Variants in KANSL1 observed in about 807,000 individuals in gnomAD.
KANSL1 encodes the protein MLL1/MLL complex subunit KANSL1.
A neutral mutation model predicts 103.6 loss-of-function variants in KANSL1; 22 were observed. The ratio of observed to expected loss-of-function variants is 0.21; its 90% CI spans 0.15 to 0.30. KANSL1 has a LOEUF of 0.30. Ranked by LOEUF, KANSL1 falls within the 10% of genes least tolerant of loss-of-function variation. The pLI is 1.00. For missense variants in KANSL1, 1,337 were observed against 1,399.8 expected (o/e 0.96, Z 0.72); for synonymous variants, 600 against 527.6 (o/e 1.14, Z -1.88).
At position 46,216,598 on chromosome 17, in the gene KANSL1, C is replaced by CAAA. The variant is rs72237062; in HGVS notation, c.-90+7070_-90+7072dup. Among the ~76,000 whole-genome samples the CAAA allele has an allele frequency of 6.2e-4, 52 of 83,722 alleles. 5 individuals are homozygous for CAAA. Among genetic ancestry groups the CAAA allele is most frequent in the Non-Finnish European group, 8.4e-4 (36 of 42,992 alleles). 54.9% of individuals were successfully genotyped at this position (83,722 alleles called of 152,430 possible). A position where few individuals can be genotyped will look rare whatever the true frequency, so the allele number is the denominator to read the frequency against. On this transcript the variant is annotated intron_variant, in intron 1 of 14. Transcript: ENST00000572904. Reference sequence around the variant, plus strand: ...TGGGCAAAAGAGCAAGACTCCGTCTCAAAAAAAAAAAAAAAAAAGTTTCAA... The same window carrying CAAA: ...TGGGCAAAAGAGCAAGACTCCGTCTCAAAAAAAAAAAAAAAAAAAAAGTTTCAA...
intron 2 of KANSL1, chr17:46,170,532 A>G (rs2046229980): frequency 2.7e-6 from 1 of 374,712 alleles, no homozygotes; most frequent in Non-Finnish European, 4.6e-6. Context: ...CATGTCCTAT[A>G]TATAGTTTCA....
chr17:46,144,230 T>C (rs1216944140), intron 2 of KANSL1, among the ~76,000 whole-genome samples: 1 of 152,260 alleles, frequency 6.6e-6, no homozygotes, highest in East Asian at 1.9e-4. Flanking sequence ...CAGGTGAGAC[T>C]GCACAGTTCT....
chr17:46,133,129 A>T (rs1314660248), intron 2 of KANSL1, among the ~76,000 whole-genome samples: 1 of 152,174 alleles, frequency 6.6e-6, no homozygotes, highest in Non-Finnish European at 1.5e-5. Flanking sequence ...AGAAAAACTG[A>T]GGTTCAGGTG....
intron 2 of KANSL1, among the ~76,000 whole-genome samples, chr17:46,123,867 T>C (rs1048860473): frequency 3.3e-5 from 5 of 152,252 alleles, no homozygotes; most frequent in African/African-American, 1.2e-4. Flanking sequence ...TCGATGAAGA[T>C]GGCTCCATTA....
At chr17:46,184,314 G>T (rs2046921652) in intron 1 of KANSL1, among the ~76,000 whole-genome samples, 1 of 152,162 alleles carries the variant, frequency 6.6e-6, no homozygotes, top group Non-Finnish European at 1.5e-5. Flanking sequence ...TCCATCCTTG[G>T]TGCCAATGCC....
At position 46,147,572 on chromosome 17, in the gene KANSL1, T is replaced by TAAAAA. The variant is rs10717937; in HGVS notation, c.1289+23278_1289+23282dup. On this transcript the variant is annotated intron_variant, in intron 2 of 14. Transcript: ENST00000432791. ...GCCTGGGTGACAGAGTGAGACTCTT[T>TAAAAA]AAAAAAAAAAAAAAAAAAAAAAAAG... 2.1e-4 allele frequency among the ~76,000 whole-genome samples: 22 copies of TAAAAA among 103,064 alleles called. No individual in the cohort carries two copies. The South Asian group carries it at 5.1e-3, about 24-fold the overall frequency. The allele number at this position is 103,064 out of a possible 152,430, so 67.6% of individuals were successfully genotyped here.
chr17:46,198,059 G>T (rs2047671639), upstream of KANSL1, among the ~76,000 whole-genome samples: 1 of 152,066 alleles, frequency 6.6e-6, no homozygotes, highest in African/African-American at 2.4e-5. Flanking sequence ...CCATTTTTTT[G>T]GTTACTTACC....
At chr17:46,050,413 G>A in intron 7 of KANSL1, 120 bp downstream of exon 7, 1 of 1,032,242 alleles carries the variant, frequency 9.7e-7, no homozygotes. Context: ...AGAAGACTTG[G>A]TTGACGAAAG....
chr17:46,182,745 GAAGTT>G (rs1368733595), intron 1 of KANSL1, among the ~76,000 whole-genome samples: 6 of 152,196 alleles, frequency 3.9e-5, no homozygotes, highest in African/African-American at 9.7e-5. Flanking sequence ...GATGCTCAAA[GAAGTT>G]AAGTAATTTG....
intron 2 of KANSL1, among the ~76,000 whole-genome samples, chr17:46,168,641 G>A (rs574516275): frequency 1.6e-4 from 24 of 152,308 alleles, no homozygotes; most frequent in African/African-American, 5.3e-4. Flanking sequence ...GTGAGCCACC[G>A]TGCCCGGCCC....
intron 2 of KANSL1, among the ~76,000 whole-genome samples, chr17:46,116,775 G>T (rs1196796745): frequency 1.3e-5 from 2 of 152,052 alleles, no homozygotes; most frequent in African/African-American, 4.8e-5. Context: ...TACAGCTCAA[G>T]AACTTTTCCA....
Position 46,087,690 on chromosome 17 carries a change from C to T in KANSL1, c.1432-5148G>A, listed in dbSNP as rs557655517. Among the ~76,000 whole-genome samples the T allele has an allele frequency of 5.0e-4, 76 of 152,266 alleles. 1 individual carries two copies. Among genetic ancestry groups the T allele is most frequent in the African/African-American group, 1.8e-3 (74 of 41,546 alleles). ...TTTACAGAGGAGGTCTACATAATTA[C>T]TTAACATTCCCCAAAATATATTTAA... On this transcript the variant is annotated intron_variant, in intron 3 of 14. Coordinates refer to ENST00000432791, the MANE Select transcript of KANSL1 (RefSeq NM_015443.4).
intron 6 of KANSL1, among the ~76,000 whole-genome samples, chr17:46,066,160 G>A (rs2078368837): frequency 6.6e-6 from 1 of 152,162 alleles, no homozygotes; most frequent in African/African-American, 2.4e-5. Flanking sequence ...ACATGGCCAA[G>A]ATTCTTTTTT....
At chr17:46,031,922 T>C in intron 14 of KANSL1, 125 bp downstream of exon 14, 1 of 1,364,088 alleles carries the variant, frequency 7.3e-7, no homozygotes, top group Non-Finnish European at 1.0e-6. Context: ...GAGATCAATT[T>C]AAGTGCAGCC....
chr17:46,061,336 ATTTTATTTTAAT>A (rs919952557), intron 6 of KANSL1, among the ~76,000 whole-genome samples: 3 of 152,184 alleles, frequency 2.0e-5, no homozygotes, highest in African/African-American at 7.2e-5. Flanking sequence ...GCTGGTACCA[ATTTTATTTTAAT>A]AACTTTATTG....
intron 2 of KANSL1, among the ~76,000 whole-genome samples, chr17:46,150,411 A>G (rs1373247583): frequency 1.3e-5 from 2 of 152,196 alleles, no homozygotes; most frequent in African/African-American, 2.4e-5. Flanking sequence ...TTTTCTGACA[A>G]TGATTGCTTT....
chr17:46,073,278 A>G (rs2078641861), intron 4 of KANSL1, among the ~76,000 whole-genome samples: 1 of 152,230 alleles, frequency 6.6e-6, no homozygotes, highest in African/African-American at 2.4e-5. Flanking sequence ...TGTTTTTCTC[A>G]TCACTTCTGT....
intron 1 of KANSL1, among the ~76,000 whole-genome samples, chr17:46,217,650 A>G (rs1343350409): frequency 1.3e-5 from 2 of 152,154 alleles, no homozygotes; most frequent in Non-Finnish European, 2.9e-5. Context: ...GCACTTTGGG[A>G]GGCTGAGGTG....
intron 1 of KANSL1, among the ~76,000 whole-genome samples, chr17:46,214,387 C>G (rs1038864968): frequency 1.3e-5 from 2 of 152,214 alleles, no homozygotes; most frequent in Non-Finnish European, 2.9e-5. Context: ...GGTATGGTGG[C>G]TCACGCCTGT....
Sources: gnomAD v4.1 joint callset for allele counts (sites outside exome capture counted in the v4.1 genomes callset) on GRCh38, gnomAD v4.1.1 for gene constraint, MANE v1.5 for transcripts, NCBI Gene and HGNC (gene_info 2026-07-23, HGNC 2026-07-21) for gene names.